The following HGH1 variants were observed in gnomAD, a reference collection of about 807,000 sequenced individuals.
HGH1 encodes co-chaperone protein HGH1 homolog.
In HGH1, 31 loss-of-function variants were observed where a neutral mutation model predicts 31.7. The ratio of observed to expected loss-of-function variants is 0.98; its 90% CI spans 0.73 to 1.32. The LOEUF (loss-of-function observed/expected upper bound fraction) is 1.32. HGH1 is among the 40% of genes most tolerant of loss of function. HGH1 has a pLI of 0.00. For synonymous variants in HGH1, 284 were observed against 293.6 expected, an observed-to-expected ratio of 0.97 and a Z score of 0.34; for missense variants, 618 against 594.4, an observed-to-expected ratio of 1.04 and a Z score of -0.41.
chr8:144,139,148 T>C, intron 4 of HGH1, 41 bp from the exon 5 acceptor site: 1 of 1,613,904 alleles, frequency 6.2e-7, no homozygotes, highest in Non-Finnish European at 8.5e-7. Flanking sequence ...CACACACACA[T>C]GAGCATGCTG....
Position 144,139,870 on chromosome 8 carries a change from G to A in HGH1, c.*318G>A. On this transcript the variant is annotated 3_prime_UTR_variant, in exon 6 of 6. Coordinates refer to ENST00000347708, the MANE Select transcript of HGH1 (RefSeq NM_016458.4). ...AGAAGACTCTTCCTGGGCACGGCGT[G>A]GGGACTGGACAGAAAACCACTGCAA... is the stretch of plus-strand genomic sequence containing the variant. 2.0e-6 allele frequency: 1 copy of A among 510,640 alleles called. No individual in the cohort carries two copies. Among genetic ancestry groups the A allele is most frequent in the Non-Finnish European group, 3.5e-6 (1 of 282,270 alleles). 31.6% of individuals were successfully genotyped at this position (510,640 alleles called of 1,614,324 possible).
Position 144,139,617 on chromosome 8 carries a change from C to T in HGH1, c.*65C>T, listed in dbSNP as rs1815159402. The stretch of plus-strand genomic sequence containing the variant: ...CCAGGCTTTCTCAGACCAGGCCTTC[C>T]TGCAGCTGTCTGCAGGCCCCCTGGG... On this transcript the variant is annotated 3_prime_UTR_variant, in exon 6 of 6. Coordinates refer to ENST00000347708, the MANE Select transcript of HGH1 (RefSeq NM_016458.4). 1.9e-6 allele frequency: 3 copies of T among 1,541,510 alleles called. No individual in the cohort carries two copies. Among genetic ancestry groups the T allele is most frequent in the Admixed American group, 3.9e-5 (2 of 50,834 alleles).
rs1467721784 is a variant in HGH1, at chr8:144,139,972, A to T, written c.*420A>T. ...GGGCAGAGGTGGGCGCATAGGTACA[A>T]GTGCTGCTTTGTCAGCCTCACTCCC... is the stretch of plus-strand genomic sequence containing the variant. On this transcript the variant is annotated 3_prime_UTR_variant, in exon 6 of 6. Transcript: ENST00000347708. 14 of 300,856 alleles carry T rather than the reference A, an allele frequency of 4.7e-5. No individual in the cohort carries two copies. The highest frequency in any genetic ancestry group is 1.3e-5 in the Non-Finnish European group (2 of 157,898). 18.6% of individuals were successfully genotyped at this position (300,856 alleles called of 1,614,324 possible).
At position 144,139,976 on chromosome 8, in the gene HGH1, C is replaced by G. The variant is rs1212264479; in HGVS notation, c.*424C>G. ...AGAGGTGGGCGCATAGGTACAAGTG[C>G]TGCTTTGTCAGCCTCACTCCCTGCA... On this transcript the variant is annotated 3_prime_UTR_variant, in exon 6 of 6. Transcript: ENST00000347708. 3.4e-6 allele frequency: 1 copy of G among 295,606 alleles called. No individual in the cohort carries two copies. Among genetic ancestry groups the G allele is most frequent in the East Asian group, 8.8e-5 (1 of 11,300 alleles). 18.3% of individuals were successfully genotyped at this position (295,606 alleles called of 1,614,324 possible). A position where few individuals can be genotyped will look rare whatever the true frequency, so the allele number is the denominator to read the frequency against.
Position 144,139,025 on chromosome 8 carries a change from G to A in HGH1, c.810G>A (p.Leu270=). 1.2e-6 allele frequency: 2 copies of A among 1,613,932 alleles called. No homozygotes were observed. Among genetic ancestry groups the A allele is most frequent in the Non-Finnish European group, 8.5e-7 (1 of 1,179,838 alleles). ...CACCCCTAGGGCTGCCTGTCGACTT[G>A]CAGTACCTGCCACCAGACAAGCAGC... is the stretch of plus-strand genomic sequence containing the variant. The part of the protein sequence containing the change: ...EEEMERLPVD[L]QYLPPDKQRE... The change falls in exon 4 of 6, where the codon TTG becomes TTA. Residue 270 remains leucine, a synonymous_variant. Coordinates refer to ENST00000347708, the MANE Select transcript of HGH1 (RefSeq NM_016458.4).
Position 144,137,939 on chromosome 8 carries a change from C to T in HGH1, c.104C>T (p.Ala35Val). ...CCCTTCCTGGCGCCGGGCGCGCGGG[C>T]GGACCTGCAGGCGGCGGCGGTGCGG... ...LLPFLAPGARADLQAAAVRHV... is the reference protein window; with the variant it reads ...LLPFLAPGARVDLQAAAVRHV... The change falls in exon 1 of 6, where the codon GCG becomes GTG. Residue 35 changes from alanine to valine, a missense_variant. By Grantham distance (64) the Ala-to-Val change is moderately conservative. Transcript: ENST00000347708. 7.5e-7 allele frequency: 1 copy of T among 1,325,140 alleles called. No homozygotes were observed. 82.1% of individuals were successfully genotyped at this position (1,325,140 alleles called of 1,614,324 possible).
rs1314152570 is a variant in HGH1 at position 144,139,988 on chromosome 8, C to T, written c.*436C>T. The stretch of plus-strand genomic sequence containing the variant: ...ATAGGTACAAGTGCTGCTTTGTCAG[C>T]CTCACTCCCTGCAGCTCTCAGCTCC... On this transcript the variant is annotated 3_prime_UTR_variant, in exon 6 of 6. Coordinates refer to ENST00000347708, the MANE Select transcript of HGH1 (RefSeq NM_016458.4). The T allele has an allele frequency of 1.4e-5, 4 of 277,680 alleles. No individual in the cohort carries two copies. Among genetic ancestry groups the T allele is most frequent in the African/African-American group, 2.2e-5 (1 of 45,244 alleles). The allele number at this position is 277,680 out of a possible 1,614,324, so 17.2% of individuals were successfully genotyped here.
rs548639665 is a variant in HGH1 at position 144,138,892 on chromosome 8, C to T, written c.793+79C>T. On this transcript the variant is annotated intron_variant, in intron 3 of 5. Coordinates refer to ENST00000347708, the MANE Select transcript of HGH1 (RefSeq NM_016458.4). ...GAGGGAGAGAGAGGTGTCCAGGCCA[C>T]AGGCTCCTGAAACTTTGCAGCAGTG... 63 of 1,602,020 alleles carry T rather than the reference C, an allele frequency of 3.9e-5. 1 individual carries two copies. In the East Asian group the frequency reaches 1.3e-3, roughly 32 times the overall value.
Position 144,138,418 on chromosome 8 carries a change from G to A in HGH1, c.583G>A (p.Asp195Asn). Residue 195 changes from aspartate to asparagine, a missense_variant, in exon 1 of 6, where the codon GAC becomes AAC. Asp to Asn is a conservative substitution (Grantham distance 23, BLOSUM62 1). Coordinates refer to ENST00000347708, the MANE Select transcript of HGH1 (RefSeq NM_016458.4). ...QRPAARAFLLDPDRCVVQRLL... is the reference protein window; with the variant it reads ...QRPAARAFLLNPDRCVVQRLL... ...CCCTGCGGCGCGGGCCTTCCTACTG[G>A]ACCCCGACAGGTGAAGCCCAGGGCG... 1 of 1,589,012 alleles carries A rather than the reference G, an allele frequency of 6.3e-7. No individual in the cohort carries two copies. Among genetic ancestry groups the A allele is most frequent in the Non-Finnish European group, 8.5e-7 (1 of 1,176,060 alleles).
Position 144,139,089 on chromosome 8 carries a change from G to A in HGH1, c.874G>A (p.Ala292Thr). ...DADIRKMLVE[A>T]IMLLTATAPG... ...AGACATCCGCAAGATGCTTGTTGAA[G>A]CCATCATGCTGGTGAGCAGGAGCCC... The change falls in exon 4 of 6, where the codon GCC (alanine) becomes ACC (threonine). Residue 292 changes from alanine (A) to threonine (T), a missense_variant. Transcript: ENST00000347708. 6.2e-7 allele frequency: 1 copy of A among 1,614,008 alleles called. No individual in the cohort carries two copies. Among genetic ancestry groups the A allele is most frequent in the Non-Finnish European group, 8.5e-7 (1 of 1,179,862 alleles).
chr8:144,138,387 C>G lies in HGH1; in HGVS notation c.552C>G (p.Ser184Arg). ...HYLAPLLSNL[S>R]QRPAARAFLL... Reference sequence around the variant, plus strand: ...TAGCGCCGCTGCTCTCCAACCTCAGCCAACGCCCTGCGGCGCGGGCCTTCC... The same window carrying G: ...TAGCGCCGCTGCTCTCCAACCTCAGGCAACGCCCTGCGGCGCGGGCCTTCC... The change falls in exon 1 of 6, where the codon AGC (serine) becomes AGG (arginine). Residue 184 changes from serine to arginine, a missense_variant. Coordinates refer to ENST00000347708, the MANE Select transcript of HGH1 (RefSeq NM_016458.4). 6.3e-7 allele frequency: 1 copy of G among 1,586,810 alleles called. No homozygotes were observed. Among genetic ancestry groups the G allele is most frequent in the Non-Finnish European group, 8.5e-7 (1 of 1,175,554 alleles).
At chr8:144,138,456 G>A (rs1815129240) in intron 1 of HGH1, 28 bp downstream of exon 1, 2 of 1,589,086 alleles carry the variant, frequency 1.3e-6, no homozygotes, top group Non-Finnish European at 1.7e-6. Flanking sequence ...CGCGCGGGCG[G>A]GGAGGGGACG....
chr8:144,138,159 C>T lies in HGH1; in HGVS notation c.324C>T (p.Arg108=). 1 of 1,310,448 alleles carries T rather than the reference C, an allele frequency of 7.6e-7. No homozygotes were observed. Among genetic ancestry groups the T allele is most frequent in the Non-Finnish European group, 9.7e-7 (1 of 1,033,776 alleles). 81.2% of individuals were successfully genotyped at this position (1,310,448 alleles called of 1,614,324 possible). Residue 108 remains arginine (R), a synonymous_variant, in exon 1 of 6, where the codon CGC becomes CGT. Coordinates refer to ENST00000347708, the MANE Select transcript of HGH1 (RefSeq NM_016458.4). The stretch of plus-strand genomic sequence containing the variant: ...CGGCCGACCCCGGGCTGCCAGCGCG[C>T]CTGATGGGCCGCGCGTTGGACCCGC... The part of the protein sequence containing the change: ...LLAADPGLPA[R]LMGRALDPQW...
Position 144,138,156 on chromosome 8 carries a change from G to A in HGH1, c.321G>A (p.Ala107=). 2 of 1,305,202 alleles carry A rather than the reference G, an allele frequency of 1.5e-6. No homozygotes were observed. The highest frequency in any genetic ancestry group is 2.1e-5 in the South Asian group (1 of 48,690). The allele number at this position is 1,305,202 out of a possible 1,614,324, so 80.9% of individuals were successfully genotyped here. A position where few individuals can be genotyped will look rare whatever the true frequency, so the allele number is the denominator to read the frequency against. ...TGGCGGCCGACCCCGGGCTGCCAGC[G>A]CGCCTGATGGGCCGCGCGTTGGACC... ...TLLAADPGLP[A]RLMGRALDPQ... Residue 107 remains alanine, a synonymous_variant, in exon 1 of 6, where the codon GCG becomes GCA. Coordinates refer to ENST00000347708, the MANE Select transcript of HGH1 (RefSeq NM_016458.4).
Position 144,139,390 on chromosome 8 carries a change from G to A in HGH1, c.1011G>A (p.Val337=). The change falls in exon 6 of 6, where the codon GTG becomes GTA. Residue 337 remains valine, a splice_region_variant and synonymous_variant. Coordinates refer to ENST00000347708, the MANE Select transcript of HGH1 (RefSeq NM_016458.4). ...CTCACCTGCTTCCCGTCTGGCAGGTGCTTATTGGGGACGAGCCTGAACGTG... is the reference window on the plus strand; with the variant it reads ...CTCACCTGCTTCCCGTCTGGCAGGTACTTATTGGGGACGAGCCTGAACGTG... ...VRTACEKLIQ[V]LIGDEPERGM... 3 of 1,613,604 alleles carry A rather than the reference G, an allele frequency of 1.9e-6. No individual in the cohort carries two copies. Among genetic ancestry groups the A allele is most frequent in the Non-Finnish European group, 2.5e-6 (3 of 1,179,776 alleles).
chr8:144,138,158 G>C lies in HGH1; in HGVS notation c.323G>C (p.Arg108Pro). ...GCGGCCGACCCCGGGCTGCCAGCGCGCCTGATGGGCCGCGCGTTGGACCCG... is the reference window on the plus strand; with the variant it reads ...GCGGCCGACCCCGGGCTGCCAGCGCCCCTGATGGGCCGCGCGTTGGACCCG... ...LLAADPGLPA[R>P]LMGRALDPQW... The change falls in exon 1 of 6, where the codon CGC becomes CCC. Residue 108 changes from arginine (R) to proline (P), a missense_variant. Transcript: ENST00000347708. 7.6e-7 allele frequency: 1 copy of C among 1,307,918 alleles called. No homozygotes were observed. Among genetic ancestry groups the C allele is most frequent in the Non-Finnish European group, 9.7e-7 (1 of 1,032,248 alleles). 81.0% of individuals were successfully genotyped at this position (1,307,918 alleles called of 1,614,324 possible). A position where few individuals can be genotyped will look rare whatever the true frequency, so the allele number is the denominator to read the frequency against.
Position 144,139,556 on chromosome 8 carries a change from C to A in HGH1, c.*4C>A, listed in dbSNP as rs912243708. 1 of 1,550,768 alleles carries A rather than the reference C, an allele frequency of 6.4e-7. No homozygotes were observed. Among genetic ancestry groups the A allele is most frequent in the Non-Finnish European group, 8.7e-7 (1 of 1,147,534 alleles). Reference sequence around the variant, plus strand: ...GGAGAGGGCCACACCCACCTGAGGCCCCTGCAGCCGGACACCAGCTCCAGG... The same window carrying A: ...GGAGAGGGCCACACCCACCTGAGGCACCTGCAGCCGGACACCAGCTCCAGG... On this transcript the variant is annotated 3_prime_UTR_variant, in exon 6 of 6. Coordinates refer to ENST00000347708, the MANE Select transcript of HGH1 (RefSeq NM_016458.4).
Position 144,140,576 on chromosome 8 carries a change from G to C in HGH1, c.*1024G>C, listed in dbSNP as rs1815177278. The C allele has an allele frequency of 6.6e-6, 1 of 152,272 alleles. No individual in the cohort carries two copies. The highest frequency in any genetic ancestry group is 1.9e-4 in the East Asian group (1 of 5,176). 9.4% of individuals were successfully genotyped at this position (152,272 alleles called of 1,614,324 possible). ...AAGCCCTGGTGAAGGAGCTTAGCTT[G>C]TCTTCTTGGCAATTCACAATGCCTC... is the stretch of plus-strand genomic sequence containing the variant. On this transcript the variant is annotated 3_prime_UTR_variant, in exon 6 of 6. Transcript: ENST00000347708.
chr8:144,138,057 C>T lies in HGH1; in HGVS notation c.222C>T (p.Ala74=), dbSNP rs1374020999. 6.4e-4 allele frequency: 837 copies of T among 1,312,934 alleles called. 3 individuals carry two copies. In the African/African-American group the frequency reaches 0.011, roughly 17 times the overall value. 81.3% of individuals were successfully genotyped at this position (1,312,934 alleles called of 1,614,324 possible). The change falls in exon 1 of 6, where the codon GCC becomes GCT. Residue 74 remains alanine, a synonymous_variant. Transcript: ENST00000347708. ...LLQALMELAP[A]SAPARDAARA... is the part of the protein sequence containing the mutation. ...AGGCGCTGATGGAGCTGGCGCCGGC[C>T]TCTGCCCCGGCCCGGGACGCCGCCC...
Sources: gnomAD v4.1 joint callset for allele counts on GRCh38, gnomAD v4.1.1 for gene constraint, MANE v1.5 for transcripts, NCBI Gene and HGNC (gene_info 2026-07-23, HGNC 2026-07-21) for gene names.